ANKH: variants seen among roughly 807,000 people sequenced by gnomAD.
ANKH encodes the protein ANKH inorganic pyrophosphate transport regulator, also known as mineralization regulator ANKH.
A neutral mutation model predicts 49.0 loss-of-function variants in ANKH; 15 were observed. The observed-to-expected ratio is 0.31, with a 90% CI of 0.20 to 0.47. The LOEUF (loss-of-function observed/expected upper bound fraction) is 0.47. Ranked by LOEUF, ANKH falls within the 20% of genes least tolerant of loss-of-function variation. ANKH has a pLI of 1.00. For synonymous variants in ANKH, 273 were observed against 260.0 expected (o/e 1.05, Z -0.48); for missense variants, 429 against 652.0 (o/e 0.66, Z 3.72).
Position 14,758,575 on chromosome 5 carries a change from T to C in ANKH, c.337A>G (p.Ile113Val), listed in dbSNP as rs772122066. 3 of 1,613,666 alleles carry C rather than the reference T, an allele frequency of 1.9e-6. No homozygotes were observed. Among genetic ancestry groups the C allele is most frequent in the East Asian group, 2.2e-5 (1 of 44,892 alleles). Residue 113 changes from isoleucine (I) to valine (V), a missense_variant, in exon 3 of 12, where the codon ATT becomes GTT. By Grantham distance (29) the Ile-to-Val change is conservative. This residue lies in a region of ANKH where 378 missense variants were observed against 615.3 expected (regional missense o/e 0.61). Transcript: ENST00000284268. ...LIAYSDLGYY[I>V]INKLHHVDES... ...TCCACATGGTGCAGTTTATTGATAA[T>C]GTAGTATCCTAAATCACTATAAGCT...
chr5:14,714,665 A>G (rs931302475), intron 9 of ANKH, among the ~76,000 whole-genome samples: 2 of 152,310 alleles, frequency 1.3e-5, no homozygotes, highest in South Asian at 2.1e-4. Flanking sequence ...AGGCAGGCAG[A>G]CAGACCCACT....
rs879816296 is a variant in ANKH at position 14,849,555 on chromosome 5, C to T, written c.96+21797G>A. Among the ~76,000 whole-genome samples, 11 of 152,110 alleles carry T rather than the reference C, an allele frequency of 7.2e-5. 1 individual carries two copies. The highest frequency in any genetic ancestry group is 4.1e-4 in the South Asian group (2 of 4,824). On this transcript the variant is annotated intron_variant, in intron 1 of 11. Transcript: ENST00000284268. ...TATCACTTCCATGTTATTCTCTGTT[C>T]GGGTCTCATTGTCATGATATACAAT...
chr5:14,808,504 C>T (rs1230091897), intron 1 of ANKH, among the ~76,000 whole-genome samples: 1 of 152,200 alleles, frequency 6.6e-6, no homozygotes, highest in Non-Finnish European at 1.5e-5. Flanking sequence ...GTGGCTCACA[C>T]CTGTAATCCC....
rs771729890 is a variant in ANKH, at chr5:14,711,099, CAAAA to C, written c.*94_*97del. On this transcript the variant is annotated 3_prime_UTR_variant, in exon 12 of 12. Transcript: ENST00000284268. Reference sequence around the variant, plus strand: ...GGCCTCTTTCATTACCAAAACAAAACAAAAAAAAGGGAACAAAATACGATGGGAG... The same window carrying C: ...GGCCTCTTTCATTACCAAAACAAAACAAAAGGGAACAAAATACGATGGGAG... 24 of 1,135,412 alleles carry C rather than the reference CAAAA, an allele frequency of 2.1e-5. No homozygotes were observed. Among genetic ancestry groups the C allele is most frequent in the Middle Eastern group, 1.9e-4 (1 of 5,168 alleles). 70.3% of individuals were successfully genotyped at this position (1,135,412 alleles called of 1,614,324 possible). A position where few individuals can be genotyped will look rare whatever the true frequency, so the allele number is the denominator to read the frequency against.
At chr5:14,728,367 G>C (rs953249406) in intron 8 of ANKH, among the ~76,000 whole-genome samples, 7 of 152,232 alleles carry the variant, frequency 4.6e-5, no homozygotes, top group Non-Finnish European at 1.0e-4. Context: ...GATGCCCTAA[G>C]CTGCTAAACT....
intron 1 of ANKH, among the ~76,000 whole-genome samples, chr5:14,843,549 G>GAAAAAAAAAAAAAA (rs60487783): frequency 3.3e-5 from 2 of 61,010 alleles, no homozygotes; most frequent in Non-Finnish European, 5.8e-5. Context: ...GGGGATTAGC[G>GAAAAAAAAAAAAAA]AAAAAAAAAA....
intron 1 of ANKH, among the ~76,000 whole-genome samples, chr5:14,859,837 A>C (rs1375793154): frequency 6.6e-6 from 1 of 152,256 alleles, no homozygotes; most frequent in Non-Finnish European, 1.5e-5. Context: ...TCAGAGTAAA[A>C]TATGAATTTT....
chr5:14,853,284 T>C (rs780138328), intron 1 of ANKH, among the ~76,000 whole-genome samples: 26 of 152,208 alleles, frequency 1.7e-4, no homozygotes, highest in Non-Finnish European at 3.5e-4. Flanking sequence ...AGGAGTTATA[T>C]AACTTAGGTG....
chr5:14,711,211 C>T lies in ANKH; in HGVS notation c.1465G>A (p.Glu489Lys). 2 of 1,614,158 alleles carry T rather than the reference C, an allele frequency of 1.2e-6. No homozygotes were observed. Among genetic ancestry groups the T allele is most frequent in the Non-Finnish European group, 1.7e-6 (2 of 1,179,982 alleles). Residue 489 changes from glutamate (E) to lysine (K), a missense_variant, in exon 12 of 12, where the codon GAG (glutamate) becomes AAG (lysine). This residue lies in a region of ANKH where 51 missense variants were observed against 36.7 expected (regional missense o/e 1.39). Coordinates refer to ENST00000284268, the MANE Select transcript of ANKH (RefSeq NM_054027.6). The stretch of plus-strand genomic sequence containing the variant: ...CGTCCCGTGCCTTATTCATTCTCCT[C>T]TCTCATTTCCACGATGTCTGTCACC... ...EEVTDIVEMR[E>K]ENE
rs763158646 is a variant in ANKH, at chr5:14,711,252, A to G, written c.1424T>C (p.Met475Thr). The stretch of plus-strand genomic sequence containing the variant: ...GTCTGTCACCTCCTCTGTCGGAGGC[A>G]TGTCTGTCATGGCAGAGTCTTCCCC... ...TEGEDSAMTD[M>T]PPTEEVTDIV... The change falls in exon 12 of 12, where the codon ATG (methionine) becomes ACG (threonine). Residue 475 changes from methionine to threonine, a missense_variant. This residue lies in a region of ANKH where 51 missense variants were observed against 36.7 expected (regional missense o/e 1.39). Transcript: ENST00000284268. The G allele has an allele frequency of 9.9e-6, 16 of 1,613,908 alleles. No homozygotes were observed. The South Asian group carries it at 1.1e-4, about 11-fold the overall frequency.
At chr5:14,712,025 TTCCTC>T (rs568768601) in intron 11 of ANKH, among the ~76,000 whole-genome samples, 44 of 152,352 alleles carry the variant, frequency 2.9e-4, no homozygotes, top group Non-Finnish European at 6.2e-4. Flanking sequence ...TCTCCCCTCT[TTCCTC>T]AGCTTACATG....
At position 14,745,519 on chromosome 5, in the gene ANKH, C is replaced by A. The variant is rs939132460; in HGVS notation, c.915+351G>T. ...CCTTAGCCATCTGGTATGGGGTCAG[C>A]AAAGCATTCGTTTAAAGAAACAAAC... is the stretch of plus-strand genomic sequence containing the variant. On this transcript the variant is annotated intron_variant, in intron 7 of 11. Coordinates refer to ENST00000284268, the MANE Select transcript of ANKH (RefSeq NM_054027.6). This position sits in a 1 kb window ranked among gnomAD's most constrained non-coding sequence, Gnocchi z 4.7. 6.6e-6 allele frequency among the ~76,000 whole-genome samples: 1 copy of A among 152,176 alleles called. No individual in the cohort carries two copies. Among genetic ancestry groups the A allele is most frequent in the African/African-American group, 2.4e-5 (1 of 41,436 alleles).
intron 11 of ANKH, 120 bp downstream of exon 11, chr5:14,712,754 A>G (rs1478155613): frequency 8.3e-6 from 8 of 964,220 alleles, no homozygotes; most frequent in African/African-American, 1.6e-5. Flanking sequence ...GAGACTGGGC[A>G]GTGTCACCAA....
chr5:14,807,648 A>G (rs1414559572), intron 1 of ANKH, among the ~76,000 whole-genome samples: 2 of 152,152 alleles, frequency 1.3e-5, no homozygotes, highest in Admixed American at 6.6e-5. Context: ...GTGTCCCCCT[A>G]TAGTAAGTCT....
intron 1 of ANKH, among the ~76,000 whole-genome samples, chr5:14,834,507 G>A (rs750879853): frequency 3.3e-5 from 5 of 152,170 alleles, no homozygotes; most frequent in Non-Finnish European, 5.9e-5. Context: ...CTGGCCGGGC[G>A]CAGTGGCTCA....
chr5:14,727,468 C>T (rs1367864681), intron 8 of ANKH, among the ~76,000 whole-genome samples: 1 of 151,312 alleles, frequency 6.6e-6, no homozygotes, highest in African/African-American at 2.4e-5. Context: ...CAGATCCCAA[C>T]GACTTACTAA....
intron 1 of ANKH, among the ~76,000 whole-genome samples, chr5:14,840,603 C>T (rs534847500): frequency 6.6e-6 from 1 of 152,306 alleles, no homozygotes; most frequent in South Asian, 2.1e-4. Flanking sequence ...CTGCCTGTTT[C>T]AAGCAAAAGT....
chr5:14,748,644 C>T (rs766223712), intron 6 of ANKH, among the ~76,000 whole-genome samples: 1 of 152,218 alleles, frequency 6.6e-6, no homozygotes, highest in Non-Finnish European at 1.5e-5. Flanking sequence ...ATGCCAGGCA[C>T]GGGTGTGGTG....
intron 1 of ANKH, chr5:14,797,108 GAAGTA>G (rs1740414422): frequency 3.7e-6 from 5 of 1,353,660 alleles, no homozygotes; most frequent in Non-Finnish European, 5.2e-6. Flanking sequence ...AAAATCACAA[GAAGTA>G]AAGACATATT....
Sources: gnomAD v4.1 joint callset for allele counts (sites outside exome capture counted in the v4.1 genomes callset) on GRCh38, gnomAD v4.1.1 for gene constraint, gnomAD v4.1.1 regional missense constraint, Gnocchi (gnomAD v3.1) non-coding constraint, MANE v1.5 for transcripts, NCBI Gene and HGNC (gene_info 2026-07-23, HGNC 2026-07-21) for gene names.